Variants in COL19A1 observed in about 807,000 individuals in gnomAD.
COL19A1 encodes the protein collagen alpha-1(XIX) chain.
COL19A1 carries 159 observed loss-of-function variants against 190.2 expected under a neutral mutation model. The observed-to-expected ratio is 0.84, with a 90% CI of 0.73 to 0.95. COL19A1 has a LOEUF of 0.95. Among genes scored for constraint, COL19A1 ranks in the 40% least tolerant of loss-of-function variants. COL19A1 has a pLI of 0.00. For missense variants in COL19A1, 1,418 were observed against 1,431.9 expected (o/e 0.99, Z 0.16); for synonymous variants, 509 against 458.9 (o/e 1.11, Z -1.39).
chr6:69,931,458 A>C (rs1247529301), intron 6 of COL19A1, among the ~76,000 whole-genome samples: 2 of 152,184 alleles, frequency 1.3e-5, no homozygotes, highest in Non-Finnish European at 2.9e-5. Context: ...AAAACAATTC[A>C]TAAGCAGGAC....
At chr6:70,111,473 T>C (rs1784282803) in intron 16 of COL19A1, among the ~76,000 whole-genome samples, 1 of 152,206 alleles carries the variant, frequency 6.6e-6, no homozygotes, top group African/African-American at 2.4e-5. Flanking sequence ...TGTTAATATT[T>C]GACAACATAG....
intron 9 of COL19A1, among the ~76,000 whole-genome samples, chr6:69,955,360 T>A (rs1482670050): frequency 6.6e-6 from 1 of 152,156 alleles, no homozygotes; most frequent in Non-Finnish European, 1.5e-5. Context: ...TAGTACAACT[T>A]GTATTTAATT....
intron 4 of COL19A1, among the ~76,000 whole-genome samples, chr6:69,904,672 C>G (rs1450698428): frequency 6.6e-6 from 1 of 152,198 alleles, no homozygotes; most frequent in Non-Finnish European, 1.5e-5. Flanking sequence ...GTGGAGCCCC[C>G]TCCTCCTCAG....
At chr6:69,894,757 G>A (rs981223407) in intron 2 of COL19A1, among the ~76,000 whole-genome samples, 1 of 152,136 alleles carries the variant, frequency 6.6e-6, no homozygotes, top group African/African-American at 2.4e-5. Flanking sequence ...ATGCCCCCAG[G>A]ATGTAAAACA....
At chr6:69,922,216 G>A (rs565282972) in intron 4 of COL19A1, among the ~76,000 whole-genome samples, 1 of 151,556 alleles carries the variant, frequency 6.6e-6, no homozygotes, top group African/African-American at 2.4e-5. Flanking sequence ...ATCATATTTG[G>A]TCTTGAAAGC....
At chr6:70,091,777 G>T (rs557350429) in intron 15 of COL19A1, among the ~76,000 whole-genome samples, 1 of 151,746 alleles carries the variant, frequency 6.6e-6, no homozygotes, top group Admixed American at 6.6e-5. Context: ...AATTGCTGCC[G>T]GCAGGACCAA....
intron 11 of COL19A1, among the ~76,000 whole-genome samples, chr6:70,023,143 T>C (rs1320797807): frequency 3.3e-5 from 5 of 151,304 alleles, no homozygotes; most frequent in South Asian, 2.1e-4. Context: ...ATTTTTTTTT[T>C]TTTTTTTTGA....
intron 11 of COL19A1, among the ~76,000 whole-genome samples, chr6:69,977,271 G>C (rs1378744684): frequency 2.0e-5 from 3 of 152,040 alleles, no homozygotes; most frequent in African/African-American, 7.2e-5. Context: ...TAGGGACATG[G>C]ATGAAGCTGG....
chr6:69,989,443 C>G (rs1268006073), intron 11 of COL19A1, among the ~76,000 whole-genome samples: 1 of 152,060 alleles, frequency 6.6e-6, no homozygotes, highest in Non-Finnish European at 1.5e-5. Context: ...TCTAGAATAA[C>G]GTCCCTCTAT....
intron 11 of COL19A1, among the ~76,000 whole-genome samples, chr6:69,980,529 G>T (rs145589522): frequency 6.6e-6 from 1 of 152,096 alleles, no homozygotes; most frequent in Non-Finnish European, 1.5e-5. Flanking sequence ...TAAAGTAAAA[G>T]ATAGACATAT....
chr6:70,098,360 A>G, intron 15 of COL19A1: 1 of 493,290 alleles, frequency 2.0e-6, no homozygotes, highest in Non-Finnish European at 4.0e-6. Context: ...AAAACAGAAC[A>G]TTTATTGTGT....
At chr6:70,018,154 C>T (rs1354704934) in intron 11 of COL19A1, among the ~76,000 whole-genome samples, 1 of 152,068 alleles carries the variant, frequency 6.6e-6, no homozygotes, top group Non-Finnish European at 1.5e-5. Context: ...GGATTGAAAA[C>T]ACAGGTTGAA....
intron 4 of COL19A1, among the ~76,000 whole-genome samples, chr6:69,926,737 G>T (rs886921458): frequency 1.3e-5 from 2 of 152,046 alleles, no homozygotes; most frequent in African/African-American, 4.8e-5. Context: ...CTCAAATTTG[G>T]TAAAAGGTAT....
At chr6:69,922,855 G>A (rs1224158032) in intron 4 of COL19A1, among the ~76,000 whole-genome samples, 1 of 151,954 alleles carries the variant, frequency 6.6e-6, no homozygotes, top group East Asian at 1.9e-4. Flanking sequence ...TCATTTGCTG[G>A]ATCACTCACT....
Position 70,052,762 on chromosome 6 carries a change from T to C in COL19A1, c.1171-15661T>C, listed in dbSNP as rs186667692. ...GATTAAGATAAAGCACATTCAAATATATCTTATTTTCTAAAGATTTATTTG... is the reference window on the plus strand; with the variant it reads ...GATTAAGATAAAGCACATTCAAATACATCTTATTTTCTAAAGATTTATTTG... On this transcript the variant is annotated intron_variant, in intron 14 of 50. Coordinates refer to ENST00000620364, the MANE Select transcript of COL19A1 (RefSeq NM_001858.6). 3.7e-4 allele frequency among the ~76,000 whole-genome samples: 57 copies of C among 152,350 alleles called. 1 individual carries two copies. Among genetic ancestry groups the C allele is most frequent in the Admixed American group, 3.1e-3 (47 of 15,296 alleles).
chr6:70,129,380 C>G (rs62420157), intron 17 of COL19A1, among the ~76,000 whole-genome samples: 1 of 152,118 alleles, frequency 6.6e-6, no homozygotes, highest in African/African-American at 2.4e-5. Flanking sequence ...ACCAAATTGG[C>G]CAATTTCACC....
At chr6:70,134,446 A>G (rs557802121) in intron 18 of COL19A1, among the ~76,000 whole-genome samples, 45 of 152,356 alleles carry the variant, frequency 3.0e-4, no homozygotes, top group Non-Finnish European at 5.9e-4. Flanking sequence ...TTTAAATTTG[A>G]TGGATATTGC....
chr6:70,156,137 G>C lies in COL19A1; in HGVS notation c.2090G>C (p.Gly697Ala). The stretch of plus-strand genomic sequence containing the variant: ...CTTTATACTCATTAGAATTTCTGTG[G>C]CAACTGCCAAGCCAGTGTCCCAGGG... ...DIGALLKNFCGNCQASVPGLK... is the reference protein window; with the variant it reads ...DIGALLKNFCANCQASVPGLK... The change falls in exon 32 of 51, where the codon GGC becomes GCC. Residue 697 changes from glycine to alanine, a missense_variant. Physicochemically the swap from Gly to Ala is moderately conservative, Grantham distance 60 (BLOSUM62 0). Coordinates refer to ENST00000620364, the MANE Select transcript of COL19A1 (RefSeq NM_001858.6). 6.2e-7 allele frequency: 1 copy of C among 1,612,686 alleles called. No individual in the cohort carries two copies. Among genetic ancestry groups the C allele is most frequent in the South Asian group, 1.1e-5 (1 of 91,026 alleles).
rs1768205957 is a variant in COL19A1 at position 70,211,495 on chromosome 6, T to C, written c.*4221T>C. On this transcript the variant is annotated 3_prime_UTR_variant, in exon 51 of 51. Coordinates refer to ENST00000620364, the MANE Select transcript of COL19A1 (RefSeq NM_001858.6). ...TACCATCCCCCTTTTGTACCATCTC[T>C]GCTCACAAAGATTATATGCAGGCTT... Among the ~76,000 whole-genome samples the C allele has an allele frequency of 6.6e-6, 1 of 151,086 alleles. No individual in the cohort carries two copies. Among genetic ancestry groups the C allele is most frequent in the Non-Finnish European group, 1.5e-5 (1 of 67,810 alleles).
Sources: gnomAD v4.1 joint callset for allele counts (sites outside exome capture counted in the v4.1 genomes callset) on GRCh38, gnomAD v4.1.1 for gene constraint, MANE v1.5 for transcripts, NCBI Gene and HGNC (gene_info 2026-07-23, HGNC 2026-07-21) for gene names.